The following DNMBP variants were observed in gnomAD, a reference collection of about 807,000 sequenced individuals.
DNMBP encodes dynamin-binding protein.
Under a neutral mutation model 150.0 loss-of-function variants are expected in DNMBP, and 87 were observed. The observed-to-expected ratio is 0.58, with a 90% CI of 0.49 to 0.69. The LOEUF is 0.69. Among genes scored for constraint, DNMBP ranks in the 30% least tolerant of loss-of-function variants. The pLI, the probability that DNMBP is intolerant of heterozygous loss-of-function variation, is 0.00. For synonymous variants in DNMBP, 711 were observed against 750.4 expected (o/e 0.95, Z 0.86); for missense variants, 1,774 against 1,949.0 (o/e 0.91, Z 1.69).
At chr10:99,982,124 CT>C (rs1314904330) in intron 1 of DNMBP, among the ~76,000 whole-genome samples, 1 of 152,114 alleles carries the variant, frequency 6.6e-6, no homozygotes, top group African/African-American at 2.4e-5. Flanking sequence ...AAAAGGATGA[CT>C]TGGATTTATG....
rs147462477 is a variant in DNMBP at position 99,955,633 on chromosome 10, C to T, written c.1841G>A (p.Arg614His). Residue 614 changes from arginine to histidine, a missense_variant, in exon 4 of 17, where the codon CGT becomes CAT. Physicochemically the swap from Arg to His is conservative, Grantham distance 29. Coordinates refer to ENST00000324109, the MANE Select transcript of DNMBP (RefSeq NM_015221.4). ...RRKALRPPPP[R>H]PCTPVSTSPH... The stretch of plus-strand genomic sequence containing the variant: ...AGAAGTGGATACCGGAGTACAGGGA[C>T]GAGGTGGCGGTGGCCTTAGGGCCTT... 114 of 1,614,186 alleles carry T rather than the reference C, an allele frequency of 7.1e-5. No individual in the cohort carries two copies. Among genetic ancestry groups the T allele is most frequent in the African/African-American group, 6.0e-4 (45 of 75,052 alleles).
chr10:99,997,113 C>A (rs1484957377), intron 1 of DNMBP, among the ~76,000 whole-genome samples: 2 of 152,194 alleles, frequency 1.3e-5, no homozygotes. Flanking sequence ...CCTCCTCTTC[C>A]CTGACCCTCT....
chr10:99,955,442 G>C lies in DNMBP; in HGVS notation c.2032C>G (p.Pro678Ala), dbSNP rs1236788581. The C allele has an allele frequency of 3.7e-6, 6 of 1,611,228 alleles. No homozygotes were observed. Among genetic ancestry groups the C allele is most frequent in the Middle Eastern group, 1.6e-4 (1 of 6,062 alleles). ...PTCETLEKEG[P>A]GHMGRSLDQT... is the part of the protein sequence containing the mutation. ...TCCAGACTCCTTCCCATATGACCAG[G>C]GCCCTCCTTTTCTAAGGTCTCACAG... Residue 678 changes from proline to alanine, a missense_variant, in exon 4 of 17, where the codon CCT (proline) becomes GCT (alanine). This residue lies in a region of DNMBP where 1,430 missense variants were observed against 1,492.5 expected (regional missense o/e 0.96). Coordinates refer to ENST00000324109, the MANE Select transcript of DNMBP (RefSeq NM_015221.4).
chr10:99,991,905 C>CAA (rs71009797), intron 1 of DNMBP, among the ~76,000 whole-genome samples: 47 of 105,062 alleles, frequency 4.5e-4, no homozygotes, highest in Admixed American at 1.8e-3. Flanking sequence ...GACTCCACCT[C>CAA]AAAAAAAAAA....
At chr10:99,888,761 A>G in intron 12 of DNMBP, 64 bp downstream of exon 12, 1 of 1,600,014 alleles carries the variant, frequency 6.2e-7, no homozygotes, top group Non-Finnish European at 8.5e-7. Flanking sequence ...ACTGACTTGC[A>G]TGAGCTGATG....
At position 99,942,934 on chromosome 10, in the gene DNMBP, C is replaced by G. The variant is rs2040316465; in HGVS notation, c.2260+12280G>C. ...TACTTGCTTTTTTCCTACATACTGA[C>G]AAACTAGAAAGAAAGATTATTATTT... On this transcript the variant is annotated intron_variant, in intron 4 of 16. Transcript: ENST00000324109. Among the ~76,000 whole-genome samples, 3 of 152,118 alleles carry G rather than the reference C, an allele frequency of 2.0e-5. No individual in the cohort carries two copies. In the South Asian group the frequency reaches 6.2e-4, roughly 31 times the overall value.
At chr10:99,959,207 G>A (rs958396960) in intron 3 of DNMBP, among the ~76,000 whole-genome samples, 4 of 151,906 alleles carry the variant, frequency 2.6e-5, no homozygotes, top group Admixed American at 1.3e-4. Flanking sequence ...TGTTATTTAC[G>A]TAAATATGTA....
intron 4 of DNMBP, among the ~76,000 whole-genome samples, chr10:99,913,443 T>C (rs536555439): frequency 2.0e-5 from 3 of 152,208 alleles, no homozygotes; most frequent in South Asian, 4.2e-4. Context: ...CTTGGTAAAA[T>C]GTACCAAGCA....
At chr10:99,920,413 C>G (rs1342784867) in intron 4 of DNMBP, among the ~76,000 whole-genome samples, 8 of 151,794 alleles carry the variant, frequency 5.3e-5, no homozygotes, top group Admixed American at 4.6e-4. Context: ...TCTGATTAAA[C>G]CTAGGATATG....
At chr10:99,894,799 C>T (rs2133219246) in intron 11 of DNMBP, 147 bp downstream of exon 11, 2 of 604,656 alleles carry the variant, frequency 3.3e-6, no homozygotes, top group South Asian at 4.5e-5. Flanking sequence ...AAATAACCTA[C>T]TGGCATCTCA....
At chr10:99,923,707 G>A (rs539200174) in intron 4 of DNMBP, among the ~76,000 whole-genome samples, 26 of 152,194 alleles carry the variant, frequency 1.7e-4, no homozygotes, top group Non-Finnish European at 3.4e-4. Context: ...CCTTCCCCAC[G>A]TCTTTGTCAC....
chr10:99,958,615 T>C (rs1055646927), intron 3 of DNMBP, among the ~76,000 whole-genome samples: 2 of 152,232 alleles, frequency 1.3e-5, no homozygotes, highest in African/African-American at 2.4e-5. Context: ...TTGGAAAACT[T>C]GTATCTACTA....
At position 99,961,642 on chromosome 10, in the gene DNMBP, A is replaced by G. The variant is rs1269801377; in HGVS notation, c.269-4437T>C. Among the ~76,000 whole-genome samples the G allele has an allele frequency of 3.3e-5, 5 of 152,158 alleles. No individual in the cohort carries two copies. The East Asian group carries it at 9.6e-4, about 29-fold the overall frequency. On this transcript the variant is annotated intron_variant, in intron 3 of 16. Coordinates refer to ENST00000324109, the MANE Select transcript of DNMBP (RefSeq NM_015221.4). ...ACCCTTTGAAATCTTGTCCCCACGC[A>G]TTATTTCTTCAAGTCTACCAATTGA...
chr10:99,984,281 G>C (rs2040808215), intron 1 of DNMBP, among the ~76,000 whole-genome samples: 1 of 152,138 alleles, frequency 6.6e-6, no homozygotes, highest in Non-Finnish European at 1.5e-5. Flanking sequence ...GAGTTCCTAA[G>C]TATCCTCTCA....
rs11190319 is a variant in DNMBP at position 99,915,641 on chromosome 10, C to A, written c.2261-6495G>T. On this transcript the variant is annotated intron_variant, in intron 4 of 16. Transcript: ENST00000324109. ...GAAGTGGGAGGATCACCTGGGCCTT[C>A]GAGGTTGAGGTTGCAGTGATCTGTG... Among the ~76,000 whole-genome samples, 659 of 152,100 alleles carry A rather than the reference C, an allele frequency of 4.3e-3. 7 individuals are homozygous for A. Among genetic ancestry groups the A allele is most frequent in the African/African-American group, 0.015 (619 of 41,510 alleles).
intron 1 of DNMBP, among the ~76,000 whole-genome samples, chr10:99,986,614 A>C (rs2040830581): frequency 8.1e-6 from 1 of 123,390 alleles, no homozygotes; most frequent in Non-Finnish European, 1.8e-5. Context: ...AAAAAAAAAA[A>C]AAAAAAAAAA....
In DNMBP at chr10:99,884,127, C is replaced by T. The variant is rs1444160520; in HGVS notation, c.3881G>A (p.Arg1294Gln). The change falls in exon 15 of 17, where the codon CGG becomes CAG. Residue 1294 changes from arginine to glutamine, a missense_variant. Transcript: ENST00000324109. ...YPPEKLFQAE[R>Q]NFNAAQDLDV... ...CAAGTCTTGAGCAGCATTGAAGTTC[C>T]GTTCTGCCTGGAAGAGTTTTTCAGG... is the stretch of plus-strand genomic sequence containing the variant. The T allele has an allele frequency of 1.6e-5, 26 of 1,614,006 alleles. No individual in the cohort carries two copies. The highest frequency in any genetic ancestry group is 2.0e-5 in the Non-Finnish European group (24 of 1,180,030).
intron 3 of DNMBP, among the ~76,000 whole-genome samples, chr10:99,961,112 G>GC (rs772069889): frequency 6.0e-5 from 9 of 151,030 alleles, no homozygotes; most frequent in African/African-American, 2.2e-4. Context: ...GATGCCTTTT[G>GC]CATGGCAAGC....
intron 6 of DNMBP, among the ~76,000 whole-genome samples, chr10:99,901,876 A>G (rs1363729857): frequency 6.6e-6 from 1 of 151,812 alleles, no homozygotes; most frequent in Non-Finnish European, 1.5e-5. Context: ...GTTGTGTCCC[A>G]TGGAAGTCCC....
Sources: gnomAD v4.1 joint callset for allele counts (sites outside exome capture counted in the v4.1 genomes callset) on GRCh38, gnomAD v4.1.1 for gene constraint, gnomAD v4.1.1 regional missense constraint, MANE v1.5 for transcripts, NCBI Gene and HGNC (gene_info 2026-07-23, HGNC 2026-07-21) for gene names.